Variants in RAD51AP2 observed in about 807,000 individuals in gnomAD.
RAD51AP2 encodes the protein RAD51 associated protein 2, also known as RAD51-associated protein 2.
A neutral mutation model predicts 85.5 loss-of-function variants in RAD51AP2; 67 were observed. That is an observed-to-expected ratio of 0.78 (90% CI 0.64 to 0.96). The LOEUF (loss-of-function observed/expected upper bound fraction) is 0.96, where lower values mean the gene tolerates loss of function less well. Among genes scored for constraint, RAD51AP2 ranks in the 40% least tolerant of loss-of-function variants. The pLI is 0.00. For missense variants in RAD51AP2, 1,307 were observed against 1,332.4 expected, an observed-to-expected ratio of 0.98 and a Z score of 0.30; for synonymous variants, 474 against 446.5, an observed-to-expected ratio of 1.06 and a Z score of -0.78.
the RAD51AP2 span, among the ~76,000 whole-genome samples, chr2:17,525,669 G>T: frequency 6.6e-6 from 1 of 151,928 alleles, no homozygotes; most frequent in Non-Finnish European, 1.5e-5. Flanking sequence ...TTTGCCTGAG[G>T]TCATTCATGC....
upstream of RAD51AP2, among the ~76,000 whole-genome samples, chr2:17,522,081 T>C (rs1041878604): frequency 6.6e-6 from 1 of 152,052 alleles, no homozygotes; most frequent in Non-Finnish European, 1.5e-5. Flanking sequence ...CCAATACCAT[T>C]ACAAAAGTTT....
Position 17,516,603 on chromosome 2 carries a change from C to T in RAD51AP2, c.1813G>A (p.Glu605Lys), listed in dbSNP as rs150308334. The stretch of plus-strand genomic sequence containing the variant: ...AGCATGCACTTGAAAATGCATTCCT[C>T]TTCTAATTCAAAATCATTTTCAATT... ...TRIENDFELE[E>K]ECIFKCMLYL... The change falls in exon 1 of 3, where the codon GAG (glutamate) becomes AAG (lysine). Residue 605 changes from glutamate to lysine, a missense_variant. Transcript: ENST00000399080. 2,913 of 1,577,476 alleles carry T rather than the reference C, an allele frequency of 1.8e-3. 22 individuals carry two copies. Among genetic ancestry groups the T allele is most frequent in the African/African-American group, 0.018 (1,290 of 73,196 alleles).
upstream of RAD51AP2, among the ~76,000 whole-genome samples, chr2:17,521,784 T>A (rs1334907328): frequency 6.6e-6 from 1 of 152,018 alleles, no homozygotes; most frequent in Non-Finnish European, 1.5e-5. Context: ...ATAAACCACC[T>A]TTTTGTCCTC....
At position 17,517,013 on chromosome 2, in the gene RAD51AP2, C is replaced by T. The variant is rs1662699993; in HGVS notation, c.1403G>A (p.Gly468Asp). 3 of 1,603,132 alleles carry T rather than the reference C, an allele frequency of 1.9e-6. No individual in the cohort carries two copies. The highest frequency in any genetic ancestry group is 3.5e-5 in the Admixed American group (2 of 57,540). ...AGTCGTTATTAAAGCTGTCTGACTA[C>T]CTAATATTTCTCTTACGAGAAGCTT... ...QSKLLVREILGSQTALITTVW... is the reference protein window; with the variant it reads ...QSKLLVREILDSQTALITTVW... Residue 468 changes from glycine (G) to aspartate (D), a missense_variant, in exon 1 of 3, where the codon GGT (glycine) becomes GAT (aspartate). This residue lies in a region of RAD51AP2 where 635 missense variants were observed against 643.6 expected (regional missense o/e 0.99). Transcript: ENST00000399080.
At chr2:17,526,329 A>G in the RAD51AP2 span, among the ~76,000 whole-genome samples, 50 of 148,038 alleles carry the variant, frequency 3.4e-4, no homozygotes, top group African/African-American at 1.2e-3. Context: ...TCGTCTTTCA[A>G]TAGGTATAGG....
chr2:17,530,954 T>A, the RAD51AP2 span, among the ~76,000 whole-genome samples: 293 of 152,332 alleles, frequency 1.9e-3, no homozygotes, highest in African/African-American at 6.8e-3. Flanking sequence ...TACAATGATG[T>A]ATGAAAATTT....
the RAD51AP2 span, among the ~76,000 whole-genome samples, chr2:17,528,977 C>A: frequency 6.6e-6 from 1 of 152,142 alleles, no homozygotes; most frequent in Non-Finnish European, 1.5e-5. Context: ...AAAGATGGTT[C>A]CAGTGTCTGT....
chr2:17,520,700 T>G (rs1250783558), upstream of RAD51AP2, among the ~76,000 whole-genome samples: 2 of 152,012 alleles, frequency 1.3e-5, no homozygotes, highest in African/African-American at 4.8e-5. Context: ...TCTAATGTCC[T>G]TAAGCATAGT....
chr2:17,517,953 C>A lies in RAD51AP2; in HGVS notation c.463G>T (p.Val155Phe), dbSNP rs376677623. 5.6e-5 allele frequency: 91 copies of A among 1,614,060 alleles called. No homozygotes were observed. The highest frequency in any genetic ancestry group is 6.9e-5 in the Non-Finnish European group (81 of 1,180,052). The change falls in exon 1 of 3, where the codon GTT (valine) becomes TTT (phenylalanine). Residue 155 changes from valine (V) to phenylalanine (F), a missense_variant. Physicochemically the swap from Val to Phe is conservative, Grantham distance 50. Around this residue, in one of 3 missense-constraint regions of RAD51AP2, gnomAD observed 635 missense variants for 643.6 expected, o/e 0.99. Transcript: ENST00000399080. ...GAGGTGCTGGGCAGAAGTTGACTAA[C>A]CCCTGCTTTGGAGCTATTACTGCGG... Reference protein sequence around the residue: ...VHRSNSSKAGVSQLLPSTSIH... With the variant: ...VHRSNSSKAGFSQLLPSTSIH...
chr2:17,537,127 C>G, the RAD51AP2 span, among the ~76,000 whole-genome samples: 1 of 152,126 alleles, frequency 6.6e-6, no homozygotes, highest in Non-Finnish European at 1.5e-5. Context: ...TCAGACCAGC[C>G]TGGGCAACAT....
chr2:17,523,417 C>A (rs1662898599), upstream of RAD51AP2, among the ~76,000 whole-genome samples: 1 of 151,780 alleles, frequency 6.6e-6, no homozygotes, highest in Non-Finnish European at 1.5e-5. Context: ...TGCTACAGAT[C>A]AGAGCTTTTT....
Position 17,516,750 on chromosome 2 carries a change from T to G in RAD51AP2, c.1666A>C (p.Asn556His). 1 of 1,571,044 alleles carries G rather than the reference T, an allele frequency of 6.4e-7. No homozygotes were observed. The highest frequency in any genetic ancestry group is 8.7e-7 in the Non-Finnish European group (1 of 1,153,700). Reference sequence around the variant, plus strand: ...AAAATTCCATTCTTTATATTTGTATTCATGTTTCTGGTTATTAGATTTTGA... The same window carrying G: ...AAAATTCCATTCTTTATATTTGTATGCATGTTTCTGGTTATTAGATTTTGA... ...GIQNLITRNM[N>H]TNIKNGILSI... The change falls in exon 1 of 3, where the codon AAT becomes CAT. Residue 556 changes from asparagine to histidine, a missense_variant. Coordinates refer to ENST00000399080, the MANE Select transcript of RAD51AP2 (RefSeq NM_001099218.3).
upstream of RAD51AP2, among the ~76,000 whole-genome samples, chr2:17,519,139 C>T (rs535498499): frequency 6.6e-6 from 1 of 152,090 alleles, no homozygotes; most frequent in Admixed American, 6.5e-5. Flanking sequence ...GGGATTTCTT[C>T]TCAAATATTG....
At chr2:17,535,935 CAAAAAAA>C in the RAD51AP2 span, among the ~76,000 whole-genome samples, 19 of 57,228 alleles carry the variant, frequency 3.3e-4, no homozygotes, top group South Asian at 8.2e-4. Flanking sequence ...GTAAGAACAC[CAAAAAAA>C]AAAAAAAAAA....
upstream of RAD51AP2, among the ~76,000 whole-genome samples, chr2:17,523,153 A>G (rs1399845201): frequency 1.3e-5 from 2 of 151,906 alleles, no homozygotes; most frequent in Non-Finnish European, 2.9e-5. Flanking sequence ...GGTAAAGTAA[A>G]TGAAATACAG....
the RAD51AP2 span, among the ~76,000 whole-genome samples, chr2:17,533,426 T>C: frequency 0.042 from 6,385 of 152,314 alleles, 204 homozygotes; most frequent in East Asian, 0.1. Flanking sequence ...TTCTCCAATA[T>C]ACATAATCAA....
rs1662634312 is a variant in RAD51AP2 at position 17,515,632 on chromosome 2, A to G, written c.2784T>C (p.Asn928=). 2.5e-6 allele frequency: 4 copies of G among 1,612,130 alleles called. No homozygotes were observed. Among genetic ancestry groups the G allele is most frequent in the Middle Eastern group, 1.6e-4 (1 of 6,076 alleles). ...HRKNDSALYI[N]HQFETGLSEG... ...CACTCAGACCAGTTTCAAATTGATG[A>G]TTAATATATAATGCAGAGTCATTCT... is the stretch of plus-strand genomic sequence containing the variant. Residue 928 remains asparagine, a synonymous_variant, in exon 1 of 3, where the codon AAT becomes AAC. Coordinates refer to ENST00000399080, the MANE Select transcript of RAD51AP2 (RefSeq NM_001099218.3).
Position 17,514,019 on chromosome 2 carries a change from C to G in RAD51AP2, c.3321G>C (p.Leu1107Phe), listed in dbSNP as rs1310792820. ...AAGTAACCACAATGTTACCTCCTCT[C>G]AATAAATAATTAAATTCTTCTTTAC... Reference protein sequence around the residue: ...DECKEEFNYLLRGGSHFPHGI... With the variant: ...DECKEEFNYLFRGGSHFPHGI... The change falls in exon 2 of 3, where the codon TTG (leucine) becomes TTC (phenylalanine). Residue 1107 changes from leucine (L) to phenylalanine (F), a missense_variant. By Grantham distance (22) the Leu-to-Phe change is conservative. Transcript: ENST00000399080. 7 of 1,530,882 alleles carry G rather than the reference C, an allele frequency of 4.6e-6. No homozygotes were observed. Among genetic ancestry groups the G allele is most frequent in the Admixed American group, 1.7e-5 (1 of 59,140 alleles). The allele number at this position is 1,530,882 out of a possible 1,614,324, so 94.8% of individuals were successfully genotyped here. A position where few individuals can be genotyped will look rare whatever the true frequency, so the allele number is the denominator to read the frequency against.
the RAD51AP2 span, among the ~76,000 whole-genome samples, chr2:17,527,176 G>C: frequency 6.6e-6 from 1 of 152,032 alleles, no homozygotes; most frequent in Non-Finnish European, 1.5e-5. Flanking sequence ...TTCATTTTGT[G>C]ATAATTCATT....
Sources: gnomAD v4.1 joint callset for allele counts (sites outside exome capture counted in the v4.1 genomes callset) on GRCh38, gnomAD v4.1.1 for gene constraint, gnomAD v4.1.1 regional missense constraint, MANE v1.5 for transcripts, NCBI Gene and HGNC (gene_info 2026-07-23, HGNC 2026-07-21) for gene names.